TACC1: variants seen among roughly 807,000 people sequenced by gnomAD.
TACC1 encodes the protein transforming acidic coiled-coil containing protein 1.
A neutral mutation model predicts 84.4 loss-of-function variants in TACC1; 48 were observed. The observed-to-expected ratio is 0.57, with a 90% CI of 0.45 to 0.72. TACC1 has a LOEUF of 0.72. Among genes scored for constraint, TACC1 ranks in the 30% least tolerant of loss-of-function variants. The pLI is 0.00. For synonymous variants in TACC1, 372 were observed against 376.3 expected, an observed-to-expected ratio of 0.99 and a Z score of 0.13; for missense variants, 920 against 973.0, an observed-to-expected ratio of 0.95 and a Z score of 0.72.
At chr8:38,773,288 G>A (rs1439875083) in intron 3 of TACC1, among the ~76,000 whole-genome samples, 2 of 151,488 alleles carry the variant, frequency 1.3e-5, no homozygotes, top group Non-Finnish European at 2.9e-5. Flanking sequence ...TCATGCCACT[G>A]CACTCTAGCC....
intron 3 of TACC1, among the ~76,000 whole-genome samples, chr8:38,767,730 G>T (rs1398831091): frequency 6.6e-6 from 1 of 152,074 alleles, no homozygotes; most frequent in Non-Finnish European, 1.5e-5. Flanking sequence ...AAATGAGAGG[G>T]CCATTCAGAT....
intron 3 of TACC1, among the ~76,000 whole-genome samples, chr8:38,782,142 G>A (rs1319458781): frequency 6.6e-6 from 1 of 151,890 alleles, no homozygotes; most frequent in Non-Finnish European, 1.5e-5. Flanking sequence ...CTAGCATTAG[G>A]TATATCTCCC....
At chr8:38,816,973 A>T (rs902809608) in intron 2 of TACC1, among the ~76,000 whole-genome samples, 5 of 152,108 alleles carry the variant, frequency 3.3e-5, no homozygotes, top group Non-Finnish European at 5.9e-5. Context: ...CGCAGCTGTC[A>T]AGGGACCCCC....
Position 38,742,463 on chromosome 8 carries a change from C to T in TACC1, c.-574+12C>T. Reference sequence around the variant, plus strand: ...ACAAACCATCAAAGGTAATTCTTTTCTTTGACATTGAATATACCTGGGATG... The same window carrying T: ...ACAAACCATCAAAGGTAATTCTTTTTTTTGACATTGAATATACCTGGGATG... On this transcript the variant is annotated intron_variant, in intron 2 of 14. Transcript: ENST00000518415. 3 of 1,525,316 alleles carry T rather than the reference C, an allele frequency of 2.0e-6. No individual in the cohort carries two copies. The South Asian group carries it at 3.6e-5, about 18-fold the overall frequency. 94.5% of individuals were successfully genotyped at this position (1,525,316 alleles called of 1,614,324 possible).
chr8:38,747,680 C>T (rs985131588), intron 3 of TACC1, among the ~76,000 whole-genome samples: 1 of 152,000 alleles, frequency 6.6e-6, no homozygotes, highest in Non-Finnish European at 1.5e-5. Flanking sequence ...TCAGTAGTTG[C>T]CAAGGGTTGG....
chr8:38,820,240 G>C lies in TACC1; in HGVS notation c.996G>C (p.Glu332Asp). ...TCACAGAAGATACAGGAAACATAGA[G>C]GCCAGGAAAGCCCTTCCAAGGAAGC... ...FDFTEDTGNI[E>D]ARKALPRKLG... The change falls in exon 3 of 13, where the codon GAG becomes GAC. Residue 332 changes from glutamate (E) to aspartate (D), a missense_variant. Coordinates refer to ENST00000317827, the MANE Select transcript of TACC1 (RefSeq NM_006283.3). 1 of 1,614,132 alleles carries C rather than the reference G, an allele frequency of 6.2e-7. No individual in the cohort carries two copies. Among genetic ancestry groups the C allele is most frequent in the Non-Finnish European group, 8.5e-7 (1 of 1,180,022 alleles).
upstream of TACC1, among the ~76,000 whole-genome samples, chr8:38,783,072 ATCTATCTATCTATCTATC>A (rs1816359727): frequency 1.3e-5 from 1 of 78,444 alleles, no homozygotes; most frequent in African/African-American, 5.6e-5. Flanking sequence ...GTAAATATCT[ATCTATCTATCTATCTATC>A]TATCTATCTA....
Position 38,840,177 on chromosome 8 carries a change from T to C in TACC1, c.1917-47T>C, listed in dbSNP as rs759747685. ...GGGACAGCATTTCTCCAACTTTCATTGTCTGAAAATCCTCCTCTGGTAATA... is the reference window on the plus strand; with the variant it reads ...GGGACAGCATTTCTCCAACTTTCATCGTCTGAAAATCCTCCTCTGGTAATA... On this transcript the variant is annotated intron_variant, in intron 8 of 12. Transcript: ENST00000317827. The C allele has an allele frequency of 2.1e-6, 3 of 1,454,500 alleles. No individual in the cohort carries two copies. The Admixed American group carries it at 5.3e-5, about 26-fold the overall frequency. The allele number at this position is 1,454,500 out of a possible 1,614,324, so 90.1% of individuals were successfully genotyped here.
chr8:38,841,225 A>C (rs1005840035), intron 9 of TACC1, among the ~76,000 whole-genome samples: 1 of 152,184 alleles, frequency 6.6e-6, no homozygotes, highest in African/African-American at 2.4e-5. Context: ...GCTCACAGTC[A>C]GCGGCACTTT....
At chr8:38,839,327 A>C (rs190672181) in intron 8 of TACC1, 1 of 396,076 alleles carries the variant, frequency 2.5e-6, no homozygotes, top group Non-Finnish European at 4.5e-6. Flanking sequence ...TCACTTTTAG[A>C]AAGGAGAGTT....
At chr8:38,757,364 G>T (rs1810291744) in intron 3 of TACC1, 1 of 1,264,928 alleles carries the variant, frequency 7.9e-7, no homozygotes, top group South Asian at 1.3e-5. Flanking sequence ...ACCCCGAGGG[G>T]CCGGGAACCC....
At chr8:38,747,639 T>A (rs547261259) in intron 3 of TACC1, among the ~76,000 whole-genome samples, 1 of 152,182 alleles carries the variant, frequency 6.6e-6, no homozygotes, top group Non-Finnish European at 1.5e-5. Flanking sequence ...TACGACATTC[T>A]GGAAAAGGCA....
chr8:38,797,989 A>G (rs1344912262), intron 2 of TACC1, among the ~76,000 whole-genome samples: 1 of 152,208 alleles, frequency 6.6e-6, no homozygotes, highest in Non-Finnish European at 1.5e-5. Flanking sequence ...GAGAAGACAC[A>G]TTCATTGCTG....
intron 3 of TACC1, among the ~76,000 whole-genome samples, chr8:38,749,359 T>C (rs1221722500): frequency 6.6e-6 from 1 of 152,112 alleles, no homozygotes; most frequent in Non-Finnish European, 1.5e-5. Flanking sequence ...ATAATACCAA[T>C]CCTACAAAAA....
At chr8:38,783,066 A>ATATCTATC (rs58057050), upstream of TACC1, among the ~76,000 whole-genome samples, 253 of 135,462 alleles carry the variant, frequency 1.9e-3, 3 homozygotes, top group Non-Finnish European at 2.6e-3. Context: ...TGTAGTGTAA[A>ATATCTATC]TATCTATCTA....
At chr8:38,798,771 G>A (rs1820629479) in intron 2 of TACC1, among the ~76,000 whole-genome samples, 1 of 152,162 alleles carries the variant, frequency 6.6e-6, no homozygotes, top group Non-Finnish European at 1.5e-5. Flanking sequence ...GGGATCCTGG[G>A]CCCCAGCAGT....
chr8:38,785,094 G>C (rs1816860417), upstream of TACC1, among the ~76,000 whole-genome samples: 1 of 138,290 alleles, frequency 7.2e-6, no homozygotes. Context: ...GCTAAGTGCT[G>C]AAGGACGTTC....
chr8:38,807,025 CT>C (rs1822922464), intron 2 of TACC1, among the ~76,000 whole-genome samples: 1 of 152,094 alleles, frequency 6.6e-6, no homozygotes, highest in African/African-American at 2.4e-5. Context: ...CTAAAGTTTA[CT>C]GGTTTGTTAT....
At chr8:38,734,273 A>G (rs1174853301) in intron 1 of TACC1, among the ~76,000 whole-genome samples, 1 of 151,828 alleles carries the variant, frequency 6.6e-6, no homozygotes, top group Non-Finnish European at 1.5e-5. Flanking sequence ...ACTCACTGCA[A>G]CCTCCGCCTC....
Sources: allele counts gnomAD v4.1 joint callset (sites outside exome capture counted in the v4.1 genomes callset), GRCh38; gene constraint gnomAD v4.1.1; transcripts MANE v1.5; gene names NCBI Gene and HGNC (gene_info 2026-07-23, HGNC 2026-07-21).